The following SCFD2 variants were observed in gnomAD, a reference collection of about 807,000 sequenced individuals.
The protein encoded by SCFD2 is sec1 family domain containing 2, also known as sec1 family domain-containing protein 2.
Under a neutral mutation model 58.9 loss-of-function variants are expected in SCFD2, and 54 were observed. That is an observed-to-expected ratio of 0.92 (90% CI 0.74 to 1.15). The LOEUF is 1.15. Among genes scored for constraint, SCFD2 ranks in the 50% most tolerant of loss-of-function variants. The pLI, the probability that SCFD2 is intolerant of heterozygous loss-of-function variation, is 0.00. For missense variants in SCFD2, 805 were observed against 836.6 expected (o/e 0.96, Z 0.47); for synonymous variants, 321 against 335.9 (o/e 0.96, Z 0.49).
intron 5 of SCFD2, among the ~76,000 whole-genome samples, chr4:53,060,400 A>T (rs890964463): frequency 2.6e-5 from 4 of 152,132 alleles, no homozygotes; most frequent in Non-Finnish European, 2.9e-5. Flanking sequence ...TTACATGTAA[A>T]TTGAAACAGA....
intron 7 of SCFD2, among the ~76,000 whole-genome samples, chr4:52,899,220 A>G (rs1235875680): frequency 6.6e-6 from 1 of 152,108 alleles, no homozygotes; most frequent in Non-Finnish European, 1.5e-5. Context: ...TTTGCTCTTT[A>G]GTTGATGCAG....
At chr4:53,153,863 T>G (rs192172002) in intron 4 of SCFD2, among the ~76,000 whole-genome samples, 98 of 152,336 alleles carry the variant, frequency 6.4e-4, no homozygotes, top group African/African-American at 2.3e-3. Context: ...GCTTAGAAAT[T>G]TCTTCTGCCA....
At chr4:53,205,559 G>A (rs1424120277) in intron 4 of SCFD2, among the ~76,000 whole-genome samples, 9 of 152,088 alleles carry the variant, frequency 5.9e-5, no homozygotes, top group Admixed American at 1.3e-4. Context: ...CATGATTCAT[G>A]TTATGAAAAA....
rs71597821 is a variant in SCFD2 at position 53,133,155 on chromosome 4, C to T, written c.1561+12178G>A. Among the ~76,000 whole-genome samples the T allele has an allele frequency of 3.4e-3, 511 of 151,958 alleles. 8 individuals carry two copies. Among genetic ancestry groups the T allele is most frequent in the African/African-American group, 0.012 (497 of 41,456 alleles). On this transcript the variant is annotated intron_variant, in intron 5 of 8. Transcript: ENST00000401642. Reference sequence around the variant, plus strand: ...CATCCTGGCTAACACAGTGAAACCCCGTCTCTACTAAAAATACAAGAAATT... The same window carrying T: ...CATCCTGGCTAACACAGTGAAACCCTGTCTCTACTAAAAATACAAGAAATT...
chr4:53,061,500 C>G (rs1482657467), intron 5 of SCFD2, among the ~76,000 whole-genome samples: 2 of 152,162 alleles, frequency 1.3e-5, no homozygotes, highest in Non-Finnish European at 2.9e-5. Flanking sequence ...GAATCTTCCT[C>G]TCTTACTTGC....
At chr4:53,106,715 T>C (rs573863519) in intron 5 of SCFD2, among the ~76,000 whole-genome samples, 1 of 152,212 alleles carries the variant, frequency 6.6e-6, no homozygotes, top group East Asian at 1.9e-4. Flanking sequence ...TAGGGGACTA[T>C]GTGAAAAGAC....
In SCFD2 at chr4:53,365,557, G is replaced by C; in HGVS notation, c.385C>G (p.Gln129Glu). The C allele has an allele frequency of 1.2e-6, 2 of 1,614,072 alleles. No homozygotes were observed. The highest frequency in any genetic ancestry group is 8.5e-7 in the Non-Finnish European group (1 of 1,180,000). ...TCCAGCTGCTCGAACACCGGCTGCT[G>C]CCCCTCCATCTCGGCCGCTGCCGCC... ...PAAAAAEMEG[Q>E]QPVFEQLEEK... is the part of the protein sequence containing the mutation. The change falls in exon 1 of 9, where the codon CAG (glutamine) becomes GAG (glutamate). Residue 129 changes from glutamine to glutamate, a missense_variant. Gln to Glu is a conservative substitution (Grantham distance 29). Transcript: ENST00000401642. This position sits in a 1 kb window ranked among gnomAD's most constrained non-coding sequence, Gnocchi z 4.3.
intron 2 of SCFD2, among the ~76,000 whole-genome samples, chr4:53,324,730 T>C (rs1165661299): frequency 1.3e-5 from 2 of 152,026 alleles, no homozygotes; most frequent in Non-Finnish European, 2.9e-5. Flanking sequence ...GCTGGGGTGA[T>C]GAGGGCAGGG....
intron 4 of SCFD2, among the ~76,000 whole-genome samples, chr4:53,191,214 G>T (rs1314099307): frequency 6.6e-6 from 1 of 152,038 alleles, no homozygotes; most frequent in East Asian, 1.9e-4. Context: ...GCTGGGCCTG[G>T]TGGCAGGTGG....
intron 3 of SCFD2, among the ~76,000 whole-genome samples, chr4:53,281,398 G>GA (rs779281365): frequency 3.9e-5 from 6 of 152,062 alleles, no homozygotes; most frequent in Non-Finnish European, 7.4e-5. Context: ...ATATATCATA[G>GA]AAAAAATACC....
At chr4:53,045,435 T>C (rs76043532) in intron 5 of SCFD2, among the ~76,000 whole-genome samples, 123 of 152,316 alleles carry the variant, frequency 8.1e-4, no homozygotes, top group African/African-American at 2.9e-3. Context: ...TTTTTGGATA[T>C]GTAATTTAGC....
intron 4 of SCFD2, among the ~76,000 whole-genome samples, chr4:53,260,141 G>C (rs985580241): frequency 2.0e-5 from 3 of 151,892 alleles, no homozygotes; most frequent in African/African-American, 7.3e-5. Flanking sequence ...GAATCTTTAG[G>C]GTTTTTTAGG....
chr4:53,328,312 T>C (rs1246222312), intron 2 of SCFD2, among the ~76,000 whole-genome samples: 2 of 152,178 alleles, frequency 1.3e-5, no homozygotes, highest in Non-Finnish European at 2.9e-5. Context: ...TCTTGGTTTC[T>C]AAATACAATT....
chr4:52,992,803 T>C lies in SCFD2; in HGVS notation c.1562-71933A>G, dbSNP rs541162401. ...CCCCCTCCGCCAGGCAGCCGCCCCG[T>C]CCGGGAGGGAGGTGGGGGATGCCTC... On this transcript the variant is annotated intron_variant, in intron 5 of 8. Transcript: ENST00000401642. Among the ~76,000 whole-genome samples, 69 of 150,144 alleles carry C rather than the reference T, an allele frequency of 4.6e-4. 1 individual carries two copies. The highest frequency in any genetic ancestry group is 1.7e-3 in the African/African-American group (68 of 40,608).
chr4:52,903,417 C>T (rs544891862), intron 7 of SCFD2, among the ~76,000 whole-genome samples: 30 of 152,288 alleles, frequency 2.0e-4, no homozygotes, highest in South Asian at 1.9e-3. Flanking sequence ...GGGCTGCTAC[C>T]TTGCATCCCC....
At chr4:53,328,082 CCG>C (rs1229021224) in intron 2 of SCFD2, among the ~76,000 whole-genome samples, 4 of 152,028 alleles carry the variant, frequency 2.6e-5, no homozygotes, top group African/African-American at 9.7e-5. Flanking sequence ...TTGCAGTGAG[CCG>C]AGATAGTGCC....
intron 3 of SCFD2, among the ~76,000 whole-genome samples, chr4:53,298,798 G>T (rs961588547): frequency 2.0e-5 from 3 of 152,170 alleles, no homozygotes; most frequent in African/African-American, 7.2e-5. Flanking sequence ...AATATCCGCT[G>T]TTCTGCAGCC....
intron 6 of SCFD2, among the ~76,000 whole-genome samples, chr4:52,909,089 G>C (rs921131184): frequency 6.6e-6 from 1 of 152,048 alleles, no homozygotes; most frequent in Non-Finnish European, 1.5e-5. Flanking sequence ...GGGGTAACAG[G>C]CCCTCTTATA....
At chr4:52,999,107 A>G (rs1033874392) in intron 5 of SCFD2, among the ~76,000 whole-genome samples, 1 of 152,228 alleles carries the variant, frequency 6.6e-6, no homozygotes, top group African/African-American at 2.4e-5. Context: ...TACTTTCAAG[A>G]ACATAAGATG....
Sources: gnomAD v4.1 joint callset for allele counts (sites outside exome capture counted in the v4.1 genomes callset) on GRCh38, gnomAD v4.1.1 for gene constraint, Gnocchi (gnomAD v3.1) non-coding constraint, MANE v1.5 for transcripts, NCBI Gene and HGNC (gene_info 2026-07-23, HGNC 2026-07-21) for gene names.